The following RANBP2 variants were observed in gnomAD, a reference collection of about 807,000 sequenced individuals.
The protein encoded by RANBP2 is RAN binding protein 2, also known as E3 SUMO-protein ligase RanBP2.
In RANBP2, 57 loss-of-function variants were observed where a neutral mutation model predicts 303.6. That is an observed-to-expected ratio of 0.19 (90% CI 0.15 to 0.23). The LOEUF is 0.23. Among genes scored for constraint, RANBP2 ranks in the 10% least tolerant of loss-of-function variants. The pLI is 1.00. For synonymous variants in RANBP2, 1,167 were observed against 1,301.5 expected (o/e 0.90, Z 2.23); for missense variants, 3,138 against 3,780.8 (o/e 0.83, Z 4.46).
chr2:109,653,262 G>A, the RANBP2 span, among the ~76,000 whole-genome samples: 1 of 152,104 alleles, frequency 6.6e-6, no homozygotes, highest in African/African-American at 2.4e-5. Flanking sequence ...GGCCGTGGTG[G>A]TGGGCACCTG....
the RANBP2 span, among the ~76,000 whole-genome samples, chr2:109,322,853 T>C: frequency 6.6e-6 from 1 of 152,228 alleles, no homozygotes; most frequent in Admixed American, 6.5e-5. Context: ...GACAGCTTTA[T>C]TGCTATCAAT....
At chr2:109,475,767 A>G in the RANBP2 span, among the ~76,000 whole-genome samples, 1 of 152,246 alleles carries the variant, frequency 6.6e-6, no homozygotes, top group African/African-American at 2.4e-5. Context: ...CCTCGGGGGC[A>G]GAATCACCCT....
chr2:109,370,603 G>A, the RANBP2 span, among the ~76,000 whole-genome samples: 8 of 151,976 alleles, frequency 5.3e-5, no homozygotes, highest in South Asian at 6.3e-4. Flanking sequence ...CTCTGGTCAC[G>A]TCCCACTGTG....
At chr2:109,621,814 G>A in the RANBP2 span, among the ~76,000 whole-genome samples, 14 of 152,022 alleles carry the variant, frequency 9.2e-5, no homozygotes, top group African/African-American at 3.4e-4. Context: ...TTGGGAGGCT[G>A]AGGCAGGATA....
chr2:108,973,317 G>A, the RANBP2 span, among the ~76,000 whole-genome samples: 1 of 152,088 alleles, frequency 6.6e-6, no homozygotes. Context: ...CCGCCTCCCT[G>A]CAAGTTGTGA....
the RANBP2 span, among the ~76,000 whole-genome samples, chr2:109,187,052 A>G: frequency 6.7e-6 from 1 of 149,726 alleles, no homozygotes; most frequent in African/African-American, 2.4e-5. Flanking sequence ...TGCTGGCCCC[A>G]CCTGTCACGG....
the RANBP2 span, among the ~76,000 whole-genome samples, chr2:109,492,516 G>A: frequency 4.6e-5 from 7 of 152,196 alleles, no homozygotes; most frequent in South Asian, 2.1e-4. Flanking sequence ...TTCCGGCTAC[G>A]CATGCCCAGG....
the RANBP2 span, among the ~76,000 whole-genome samples, chr2:108,959,498 T>C: frequency 6.6e-6 from 1 of 152,212 alleles, no homozygotes; most frequent in Admixed American, 6.5e-5. Flanking sequence ...AATGCTTTGT[T>C]TCTCTGTGAT....
chr2:108,947,042 T>C, the RANBP2 span, among the ~76,000 whole-genome samples: 2 of 152,150 alleles, frequency 1.3e-5, no homozygotes, highest in African/African-American at 4.8e-5. Context: ...CAAAAGCAAG[T>C]TAGTTACTTC....
chr2:109,546,052 CT>C, the RANBP2 span: 1 of 1,572,016 alleles, frequency 6.4e-7, no homozygotes, highest in South Asian at 1.2e-5. Context: ...CCTCTTACTT[CT>C]TACGGTCCTT....
chr2:109,143,900 G>T, the RANBP2 span, among the ~76,000 whole-genome samples: 1 of 152,196 alleles, frequency 6.6e-6, no homozygotes, highest in East Asian at 1.9e-4. Flanking sequence ...ATTTGTGATG[G>T]CATGGATGAG....
chr2:108,844,478 T>G, the RANBP2 span, among the ~76,000 whole-genome samples: 7 of 152,222 alleles, frequency 4.6e-5, no homozygotes, highest in African/African-American at 1.7e-4. Context: ...GTGTTCCTTT[T>G]GTCATGGCTA....
In RANBP2 at chr2:108,764,402, C is replaced by A. The variant is rs187528679; in HGVS notation, c.3863C>A (p.Pro1288His). 1.2e-6 allele frequency: 2 copies of A among 1,613,978 alleles called. No individual in the cohort carries two copies. The highest frequency in any genetic ancestry group is 4.5e-5 in the East Asian group (2 of 44,876). The change falls in exon 20 of 29, where the codon CCT becomes CAT. Residue 1288 changes from proline to histidine, a missense_variant. By Grantham distance (77) the Pro-to-His change is moderately conservative (BLOSUM62 -2). Transcript: ENST00000283195. ...CAACTTGCTATTAGGTTCAAAACTC[C>A]TGAGGAAGCAGCACTTTTTAAATGC... ...PEQLAIRFKTPEEAALFKCKF... is the reference protein window; with the variant it reads ...PEQLAIRFKTHEEAALFKCKF...
chr2:108,844,791 A>G, the RANBP2 span, among the ~76,000 whole-genome samples: 1 of 146,922 alleles, frequency 6.8e-6, no homozygotes, highest in Non-Finnish European at 1.5e-5. Flanking sequence ...TCTGTCATCC[A>G]GGCTGGAGAG....
chr2:108,811,247 C>CTCTTTTTTTTTTTTTTTTTTTTTTTTT, the RANBP2 span, among the ~76,000 whole-genome samples: 46 of 113,880 alleles, frequency 4.0e-4, 2 homozygotes, highest in South Asian at 2.1e-3. Context: ...TTCTCTCTCT[C>CTCTTTTTTTTTTTTTTTTTTTTTTTTT]TTTTTTTTTT....
the RANBP2 span, among the ~76,000 whole-genome samples, chr2:109,437,874 G>A: frequency 2.0e-5 from 3 of 152,274 alleles, no homozygotes; most frequent in African/African-American, 7.2e-5. Flanking sequence ...GGATGATCTG[G>A]GAGCCCATGC....
chr2:108,963,643 C>T, the RANBP2 span, among the ~76,000 whole-genome samples: 1 of 152,110 alleles, frequency 6.6e-6, no homozygotes, highest in Non-Finnish European at 1.5e-5. Context: ...TTATAAAACT[C>T]CATGATCTGC....
chr2:109,387,880 G>A, the RANBP2 span, among the ~76,000 whole-genome samples: 577 of 151,518 alleles, frequency 3.8e-3, 1 homozygote, highest in African/African-American at 0.013. Flanking sequence ...CTCCTCCCCC[G>A]GCCCATCCAC....
At chr2:109,571,207 G>A in the RANBP2 span, among the ~76,000 whole-genome samples, 1 of 152,178 alleles carries the variant, frequency 6.6e-6, no homozygotes, top group Admixed American at 6.5e-5. Flanking sequence ...ACAGCCTAAG[G>A]AACTGTAAGT....
Sources: allele counts gnomAD v4.1 joint callset (sites outside exome capture counted in the v4.1 genomes callset), GRCh38; gene constraint gnomAD v4.1.1; transcripts MANE v1.5; gene names NCBI Gene and HGNC (gene_info 2026-07-23, HGNC 2026-07-21).